Variants in SH3PXD2A observed in about 807,000 individuals in gnomAD.
SH3PXD2A encodes SH3 and PX domains 2A.
In SH3PXD2A, 32 loss-of-function variants were observed where a neutral mutation model predicts 115.2. The observed-to-expected ratio is 0.28, with a 90% CI of 0.21 to 0.37. The LOEUF (loss-of-function observed/expected upper bound fraction) is 0.37, where lower values mean the gene tolerates loss of function less well. Among genes scored for constraint, SH3PXD2A ranks in the 10% least tolerant of loss-of-function variants. The pLI is 1.00. For missense variants in SH3PXD2A, 1,328 were observed against 1,498.7 expected, an observed-to-expected ratio of 0.89 and a Z score of 1.88; for synonymous variants, 610 against 629.1, an observed-to-expected ratio of 0.97 and a Z score of 0.45.
intron 1 of SH3PXD2A, among the ~76,000 whole-genome samples, chr10:103,815,002 C>T (rs973419135): frequency 2.6e-5 from 4 of 151,488 alleles, no homozygotes; most frequent in African/African-American, 9.7e-5. Flanking sequence ...GTGGGGGGCT[C>T]TTCAGTTTGA....
At chr10:103,839,289 G>A (rs181943008) in intron 1 of SH3PXD2A, among the ~76,000 whole-genome samples, 104 of 152,204 alleles carry the variant, frequency 6.8e-4, no homozygotes, top group African/African-American at 2.4e-3. Context: ...AAATTAGCTC[G>A]GTAGTACAGA....
At chr10:103,662,621 G>T (rs1200500512) in intron 7 of SH3PXD2A, among the ~76,000 whole-genome samples, 3 of 150,666 alleles carry the variant, frequency 2.0e-5, no homozygotes, top group Non-Finnish European at 4.4e-5. Flanking sequence ...GGATGGTCTC[G>T]ATCTCCTGAC....
chr10:103,715,861 CG>C (rs1487983811), intron 5 of SH3PXD2A, among the ~76,000 whole-genome samples: 1 of 152,232 alleles, frequency 6.6e-6, no homozygotes, highest in Non-Finnish European at 1.5e-5. Flanking sequence ...CCTTGCCCCT[CG>C]TCTTCCTACG....
chr10:103,810,771 A>G (rs2039258087), intron 1 of SH3PXD2A, among the ~76,000 whole-genome samples: 1 of 152,194 alleles, frequency 6.6e-6, no homozygotes, highest in Admixed American at 6.5e-5. Context: ...TCATGAGGCT[A>G]TGACTAGAAA....
intron 2 of SH3PXD2A, among the ~76,000 whole-genome samples, chr10:103,796,049 G>A (rs1168771972): frequency 6.6e-6 from 1 of 151,948 alleles, no homozygotes; most frequent in Non-Finnish European, 1.5e-5. Context: ...GTCACCCTAG[G>A]CTGCTGTCAC....
chr10:103,643,262 C>T (rs939395417), intron 8 of SH3PXD2A, among the ~76,000 whole-genome samples: 1 of 152,120 alleles, frequency 6.6e-6, no homozygotes, highest in Non-Finnish European at 1.5e-5. Context: ...GCAGAGGGCA[C>T]CCTAGGTGCC....
intron 2 of SH3PXD2A, among the ~76,000 whole-genome samples, chr10:103,789,876 T>C (rs74157344): frequency 0.18 from 27,487 of 152,056 alleles, 3,199 homozygotes; most frequent in East Asian, 0.33. Context: ...TGGTGTGAGC[T>C]GACTCTGACA....
intron 7 of SH3PXD2A, among the ~76,000 whole-genome samples, chr10:103,662,345 GGGGGGGGC>G (rs1173657591): frequency 1.2e-4 from 10 of 86,142 alleles, no homozygotes; most frequent in African/African-American, 5.9e-4. Context: ...TATTGGCGGG[GGGGGGGGC>G]GGGGGGGGAT....
At chr10:103,774,346 C>T (rs1047244854) in intron 2 of SH3PXD2A, among the ~76,000 whole-genome samples, 1 of 152,166 alleles carries the variant, frequency 6.6e-6, no homozygotes, top group African/African-American at 2.4e-5. Context: ...CGGTTAAGCT[C>T]ATCCAGTGAA....
intron 5 of SH3PXD2A, among the ~76,000 whole-genome samples, chr10:103,714,071 C>T (rs941193681): frequency 5.3e-5 from 8 of 152,208 alleles, no homozygotes; most frequent in Non-Finnish European, 1.2e-4. Context: ...CTGCCTTAAA[C>T]TCCCCATGGA....
intron 13 of SH3PXD2A, among the ~76,000 whole-genome samples, chr10:103,607,593 C>T (rs1249256881): frequency 9.9e-5 from 15 of 152,076 alleles, no homozygotes; most frequent in Non-Finnish European, 1.3e-4. Flanking sequence ...TCTGCCCGGC[C>T]GCCCCTACTG....
intron 4 of SH3PXD2A, among the ~76,000 whole-genome samples, chr10:103,730,232 C>CCTTT (rs2038299332): frequency 8.5e-6 from 1 of 118,268 alleles, no homozygotes; most frequent in Non-Finnish European, 1.8e-5. Context: ...TTTCTCGTTT[C>CCTTT]TTTTTTTTTT....
Position 103,749,792 on chromosome 10 carries a change from T to A in SH3PXD2A, c.230-13984A>T, listed in dbSNP as rs138463709. 1.7e-3 allele frequency: 256 copies of A among 152,358 alleles called. 1 individual carries two copies. The highest frequency in any genetic ancestry group is 5.6e-3 in the African/African-American group (232 of 41,582). 9.4% of individuals were successfully genotyped at this position (152,358 alleles called of 1,614,324 possible). On this transcript the variant is annotated intron_variant, in intron 3 of 14. Coordinates refer to ENST00000369774, the MANE Select transcript of SH3PXD2A (RefSeq NM_001394015.1). The stretch of plus-strand genomic sequence containing the variant: ...TCATCTCTTTCCCAGATACTCATGC[T>A]GAGGGAAGCCAGCTTCCATGTTGTA...
At chr10:103,750,760 G>A (rs2038567675) in intron 3 of SH3PXD2A, among the ~76,000 whole-genome samples, 2 of 151,910 alleles carry the variant, frequency 1.3e-5, no homozygotes, top group East Asian at 3.8e-4. Context: ...GTCCATTCAG[G>A]TTGCTTTGTT....
At chr10:103,745,644 C>T (rs1432941189) in intron 3 of SH3PXD2A, among the ~76,000 whole-genome samples, 1 of 152,220 alleles carries the variant, frequency 6.6e-6, no homozygotes, top group African/African-American at 2.4e-5. Flanking sequence ...TGCCTGTCTC[C>T]TTGCTGGCCA....
chr10:103,622,515 G>C lies in SH3PXD2A; in HGVS notation c.757C>G (p.Arg253Gly). Residue 253 changes from arginine (R) to glycine (G), a missense_variant, in exon 10 of 15, where the codon CGC becomes GGC. Arg to Gly is a moderately radical substitution (Grantham distance 125, BLOSUM62 -2). Around this residue, in one of 5 missense-constraint regions of SH3PXD2A, gnomAD observed 509 missense variants for 628.3 expected, o/e 0.81. Coordinates refer to ENST00000369774, the MANE Select transcript of SH3PXD2A (RefSeq NM_001394015.1). ...ACCATCCCGCCCAGGGTCCACCGGC[G>C]ATCCAGGCGCCGCAGATGGGCCTTG... ...RRKAHLRRLD[R>G]RWTLGGMVNR... 6.5e-7 allele frequency: 1 copy of C among 1,550,354 alleles called. No individual in the cohort carries two copies. Among genetic ancestry groups the C allele is most frequent in the Non-Finnish European group, 8.7e-7 (1 of 1,146,912 alleles).
At chr10:103,631,884 A>C (rs2036785318) in intron 8 of SH3PXD2A, among the ~76,000 whole-genome samples, 1 of 151,968 alleles carries the variant, frequency 6.6e-6, no homozygotes, top group Non-Finnish European at 1.5e-5. Context: ...TTGGGAGGTC[A>C]AGGTGGGAGG....
chr10:103,631,018 A>G (rs2036772032), intron 8 of SH3PXD2A, among the ~76,000 whole-genome samples: 1 of 152,138 alleles, frequency 6.6e-6, no homozygotes, highest in African/African-American at 2.4e-5. Context: ...CTATACATAC[A>G]TGCCTATGAA....
intron 6 of SH3PXD2A, among the ~76,000 whole-genome samples, chr10:103,691,121 G>C (rs2037745269): frequency 6.6e-6 from 1 of 151,234 alleles, no homozygotes; most frequent in Non-Finnish European, 1.5e-5. Context: ...GCCTTTATGG[G>C]GGTAACTGAG....
Sources: allele counts gnomAD v4.1 joint callset (sites outside exome capture counted in the v4.1 genomes callset), GRCh38; gene constraint gnomAD v4.1.1; regional missense constraint gnomAD v4.1.1; transcripts MANE v1.5; gene names NCBI Gene and HGNC (gene_info 2026-07-23, HGNC 2026-07-21).